Variants in PNLIP observed in about 807,000 individuals in gnomAD.
The protein encoded by PNLIP is pancreatic lipase.
Under a neutral mutation model 57.1 loss-of-function variants are expected in PNLIP, and 49 were observed. The ratio of observed to expected loss-of-function variants is 0.86; its 90% CI spans 0.68 to 1.09. The LOEUF is 1.09. Ranked by LOEUF, PNLIP falls within the 50% of genes least tolerant of loss-of-function variation. The probability of loss-of-function intolerance (pLI) is 0.00; values close to 1 mark genes in which losing one functional copy is unlikely to be tolerated. For synonymous variants in PNLIP, 209 were observed against 200.4 expected, an observed-to-expected ratio of 1.04 and a Z score of -0.36; for missense variants, 503 against 570.2, an observed-to-expected ratio of 0.88 and a Z score of 1.20.
chr10:116,561,652 C>A lies in PNLIP; in HGVS notation c.1334+16C>A. 2 of 1,596,592 alleles carry A rather than the reference C, an allele frequency of 1.3e-6. No homozygotes were observed. Among genetic ancestry groups the A allele is most frequent in the South Asian group, 1.1e-5 (1 of 88,412 alleles). ...TTGGAAAACAGTAAGTAATGAAAAT[C>A]CCAGGAGATGTGAAATATCGAGTCT... On this transcript the variant is annotated intron_variant, in intron 12 of 12. Transcript: ENST00000369221.
At chr10:116,565,441 T>A (rs1847356525) in intron 12 of PNLIP, among the ~76,000 whole-genome samples, 1 of 151,718 alleles carries the variant, frequency 6.6e-6, no homozygotes, top group African/African-American at 2.4e-5. Flanking sequence ...TCCAATTGTA[T>A]TCTGGCTATA....
chr10:116,547,317 C>T lies in PNLIP; in HGVS notation c.70C>T (p.Leu24Phe), dbSNP rs764259710. ...VAGKEVCYER[L>F]GCFSDDSPWS... ...AGGAAAAGAAGTTTGCTACGAAAGA[C>T]TCGGCTGCTTCAGTGATGACTCCCC... The change falls in exon 3 of 13, where the codon CTC becomes TTC. Residue 24 changes from leucine (L) to phenylalanine (F), a missense_variant. Transcript: ENST00000369221. The T allele has an allele frequency of 4.3e-6, 7 of 1,613,998 alleles. No homozygotes were observed. In the East Asian group the frequency reaches 1.3e-4, roughly 31 times the overall value.
intron 4 of PNLIP, among the ~76,000 whole-genome samples, chr10:116,550,396 A>G (rs1281214762): frequency 6.6e-6 from 1 of 152,038 alleles, no homozygotes; most frequent in Non-Finnish European, 1.5e-5. Context: ...AAGAAGCTAT[A>G]CATAAACACA....
intron 5 of PNLIP, among the ~76,000 whole-genome samples, chr10:116,553,297 G>T (rs140597214): frequency 6.6e-4 from 101 of 152,284 alleles, no homozygotes; most frequent in African/African-American, 2.3e-3. Context: ...TAGAGACGGG[G>T]TTTCACCATA....
chr10:116,566,578 A>T (rs1328325061), intron 12 of PNLIP, among the ~76,000 whole-genome samples: 1 of 152,196 alleles, frequency 6.6e-6, no homozygotes, highest in Admixed American at 6.5e-5. Context: ...ATTAAAGCTC[A>T]ATAAAGCTGT....
chr10:116,560,526 T>A lies in PNLIP; in HGVS notation c.1169+2T>A. 3 of 1,328,086 alleles carry A rather than the reference T, an allele frequency of 2.3e-6. No homozygotes were observed. The highest frequency in any genetic ancestry group is 3.2e-6 in the Non-Finnish European group (3 of 938,186). 82.3% of individuals were successfully genotyped at this position (1,328,086 alleles called of 1,614,324 possible). On this transcript the variant is annotated splice_donor_variant, in intron 11 of 12. Coordinates refer to ENST00000369221, the MANE Select transcript of PNLIP (RefSeq NM_000936.4). LOFTEE classifies it high-confidence loss of function. Reference sequence around the variant, plus strand: ...CTCTAAGCAGTATGAAATTTTCAAGTGAGTAAAATAATATTGCTCTATGCT... The same window carrying A: ...CTCTAAGCAGTATGAAATTTTCAAGAGAGTAAAATAATATTGCTCTATGCT...
Position 116,556,114 on chromosome 10 carries a change from C to T in PNLIP, c.926C>T (p.Thr309Ile), listed in dbSNP as rs1847251195. ...GFPCASYNVF[T>I]ANKCFPCPSG... ...CCCTGTGCCTCTTACAACGTCTTCA[C>T]TGCAGTAAGTAGACTCCACCTTCCG... Residue 309 changes from threonine to isoleucine, a missense_variant, in exon 9 of 13, where the codon ACT (threonine) becomes ATT (isoleucine). Physicochemically the swap from Thr to Ile is moderately conservative, Grantham distance 89. Coordinates refer to ENST00000369221, the MANE Select transcript of PNLIP (RefSeq NM_000936.4). 6.3e-7 allele frequency: 1 copy of T among 1,578,614 alleles called. No homozygotes were observed. Among genetic ancestry groups the T allele is most frequent in the Non-Finnish European group, 8.7e-7 (1 of 1,147,582 alleles).
At chr10:116,555,660 G>C (rs1450342200) in intron 8 of PNLIP, among the ~76,000 whole-genome samples, 153 bp downstream of exon 8, 1 of 152,198 alleles carries the variant, frequency 6.6e-6, no homozygotes, top group Non-Finnish European at 1.5e-5. Flanking sequence ...TTTTCACTGG[G>C]ATAAGTGGGC....
At chr10:116,558,433 A>T (rs377055609) in intron 9 of PNLIP, among the ~76,000 whole-genome samples, 1 of 151,518 alleles carries the variant, frequency 6.6e-6, no homozygotes. Flanking sequence ...TGACCTCGTG[A>T]TCCTCCAGCC....
chr10:116,551,158 A>T lies in PNLIP; in HGVS notation c.385A>T (p.Thr129Ser). ...TGTGGACTGGAAAGGTGGCTCCCGAACTGGATACACACAAGCCTCGCAGAA... is the reference window on the plus strand; with the variant it reads ...TGTGGACTGGAAAGGTGGCTCCCGATCTGGATACACACAAGCCTCGCAGAA... ...ICVDWKGGSRTGYTQASQNIR... is the reference protein window; with the variant it reads ...ICVDWKGGSRSGYTQASQNIR... The change falls in exon 5 of 13, where the codon ACT becomes TCT. Residue 129 changes from threonine to serine, a missense_variant. Coordinates refer to ENST00000369221, the MANE Select transcript of PNLIP (RefSeq NM_000936.4). The T allele has an allele frequency of 1.2e-6, 2 of 1,613,186 alleles. No homozygotes were observed. Among genetic ancestry groups the T allele is most frequent in the South Asian group, 2.2e-5 (2 of 90,888 alleles).
rs1175727477 is a variant in PNLIP, at chr10:116,547,322, CT to C, written c.76del (p.Cys26AlafsTer70). 2 of 1,614,070 alleles carry C rather than the reference CT, an allele frequency of 1.2e-6. No homozygotes were observed. On this transcript the variant is annotated frameshift_variant, in exon 3 of 13. Coordinates refer to ENST00000369221, the MANE Select transcript of PNLIP (RefSeq NM_000936.4). LOFTEE classifies it high-confidence loss of function. ...GKEVCYERLG[C>X]FSDDSPWSGI... ...AAGAAGTTTGCTACGAAAGACTCGG[CT>C]GCTTCAGTGATGACTCCCCATGGTC...
chr10:116,563,373 G>A (rs1302435138), intron 12 of PNLIP, among the ~76,000 whole-genome samples: 2 of 151,972 alleles, frequency 1.3e-5, no homozygotes, highest in African/African-American at 4.8e-5. Context: ...AGAGCATTTT[G>A]GATTTTTTAT....
chr10:116,549,544 C>T (rs2133198734), intron 4 of PNLIP, among the ~76,000 whole-genome samples: 1 of 152,064 alleles, frequency 6.6e-6, no homozygotes, highest in East Asian at 1.9e-4. Flanking sequence ...CTGCCTCTGG[C>T]TCAAAGCAAG....
intron 10 of PNLIP, 90 bp downstream of exon 10, chr10:116,559,373 C>G: frequency 9.8e-7 from 1 of 1,019,416 alleles, no homozygotes; most frequent in Middle Eastern, 2.9e-4. Context: ...CTTTTCTATA[C>G]AAAAGCTTTA....
intron 5 of PNLIP, among the ~76,000 whole-genome samples, chr10:116,552,746 C>T (rs1310232859): frequency 2.6e-5 from 4 of 151,824 alleles, no homozygotes; most frequent in Admixed American, 6.6e-5. Context: ...ATTAGCTGGG[C>T]GTGGTGGTGG....
At chr10:116,564,900 A>G (rs1313008010) in intron 12 of PNLIP, among the ~76,000 whole-genome samples, 1 of 152,200 alleles carries the variant, frequency 6.6e-6, no homozygotes, top group African/African-American at 2.4e-5. Context: ...GAAACAAAGG[A>G]TAATAGCAAG....
chr10:116,558,132 T>A (rs191438313), intron 9 of PNLIP, among the ~76,000 whole-genome samples: 5 of 151,742 alleles, frequency 3.3e-5, no homozygotes, highest in Admixed American at 3.3e-4. Flanking sequence ...ATTGTCCTCC[T>A]AATAAATTCT....
At chr10:116,550,572 T>A (rs183882956) in intron 4 of PNLIP, among the ~76,000 whole-genome samples, 1 of 152,164 alleles carries the variant, frequency 6.6e-6, no homozygotes, top group Non-Finnish European at 1.5e-5. Flanking sequence ...ATTTGATTAG[T>A]CTTTCTATTG....
At chr10:116,546,010 T>C in intron 1 of PNLIP, 52 bp downstream of exon 1, 1 of 1,157,070 alleles carries the variant, frequency 8.6e-7, no homozygotes, top group Non-Finnish European at 1.3e-6. Flanking sequence ...GTATCCATTT[T>C]CCCCCAGAGG....
Sources: gnomAD v4.1 joint callset for allele counts (sites outside exome capture counted in the v4.1 genomes callset) on GRCh38, gnomAD v4.1.1 for gene constraint, MANE v1.5 for transcripts, NCBI Gene and HGNC (gene_info 2026-07-23, HGNC 2026-07-21) for gene names.